The following ANKRD30BL variants were observed in gnomAD, a reference collection of about 807,000 sequenced individuals.
The protein encoded by ANKRD30BL is ankyrin repeat domain 30B like, also known as putative ankyrin repeat domain-containing protein 30B-like.
Under a neutral mutation model 18.4 loss-of-function variants are expected in ANKRD30BL, and 20 were observed. The observed-to-expected ratio is 1.09, with a 90% confidence interval of 0.77 to 1.58. The LOEUF is 1.58. Among genes scored for constraint, ANKRD30BL ranks in the 40% most tolerant of loss-of-function variants. The probability of loss-of-function intolerance (pLI) is 0.00; values close to 1 mark genes in which losing one functional copy is unlikely to be tolerated. For missense variants in ANKRD30BL, 224 were observed against 268.6 expected (o/e 0.83, Z 1.16); for synonymous variants, 72 against 100.9 (o/e 0.71, Z 1.72).
intron 1 of ANKRD30BL, among the ~76,000 whole-genome samples, chr2:132,252,161 T>C (rs1680665175): frequency 2.0e-5 from 3 of 152,226 alleles, no homozygotes; most frequent in African/African-American, 4.8e-5. Flanking sequence ...GGTAATGAAA[T>C]GTGAAACTAA....
intron 1 of ANKRD30BL, among the ~76,000 whole-genome samples, chr2:132,229,563 A>G (rs75148299): frequency 6.6e-6 from 1 of 152,174 alleles, no homozygotes; most frequent in African/African-American, 2.4e-5. Context: ...CTCTTTTTGT[A>G]GAATGTGCAA....
At chr2:132,208,836 C>A (rs988324380) in intron 1 of ANKRD30BL, among the ~76,000 whole-genome samples, 2 of 151,648 alleles carry the variant, frequency 1.3e-5, no homozygotes, top group African/African-American at 4.9e-5. Context: ...AAGGAAATAT[C>A]TTCACATAAA....
At chr2:132,234,298 C>T (rs1231337928) in intron 1 of ANKRD30BL, among the ~76,000 whole-genome samples, 1 of 151,972 alleles carries the variant, frequency 6.6e-6, no homozygotes, top group Admixed American at 6.6e-5. Flanking sequence ...AGAGCAAACA[C>T]ATTCAAAAGC....
chr2:132,159,735 T>C (rs1412401159), intron 1 of ANKRD30BL, among the ~76,000 whole-genome samples: 1 of 152,168 alleles, frequency 6.6e-6, no homozygotes, highest in East Asian at 1.9e-4. Context: ...TTTTTTCTCA[T>C]TACAGTTTAA....
At chr2:132,237,253 A>T (rs199960412) in intron 1 of ANKRD30BL, among the ~76,000 whole-genome samples, 2 of 151,882 alleles carry the variant, frequency 1.3e-5, no homozygotes, top group Non-Finnish European at 2.9e-5. Flanking sequence ...TGTGCACATG[A>T]ACCCTAAAAC....
chr2:132,211,222 C>T (rs201589891), intron 1 of ANKRD30BL, among the ~76,000 whole-genome samples: 13 of 125,176 alleles, frequency 1.0e-4, no homozygotes, highest in East Asian at 4.8e-4. Context: ...AAAGGAAATA[C>T]CTTCACATAA....
intron 1 of ANKRD30BL, among the ~76,000 whole-genome samples, chr2:132,187,965 G>A (rs1688599576): frequency 6.6e-6 from 1 of 151,982 alleles, no homozygotes; most frequent in African/African-American, 2.4e-5. Flanking sequence ...GGCCTGGCTG[G>A]TCTCGAACTA....
rs1174553428 is a variant in ANKRD30BL, at chr2:132,157,372, A to G, written c.270T>C (p.Leu90=). ...CAAGCTGACACTTTCTATCTACCAG[A>G]AGTGTTACTACTTCTGCATGGCCAT... is the stretch of plus-strand genomic sequence containing the variant. ...CANGHAEVVT[L]LVDRKCQLDV... The change falls in exon 2 of 6, where the codon CTT becomes CTC. Residue 90 remains leucine, a synonymous_variant. Transcript: ENST00000409867. 2.7e-6 allele frequency: 2 copies of G among 751,954 alleles called. No individual in the cohort carries two copies. Among genetic ancestry groups the G allele is most frequent in the Non-Finnish European group, 4.9e-6 (2 of 406,768 alleles). The allele number at this position is 751,954 out of a possible 1,614,324, so 46.6% of individuals were successfully genotyped here.
intron 1 of ANKRD30BL, among the ~76,000 whole-genome samples, chr2:132,187,171 TGTTTTTTTTTTTGTTTG>T (rs1688576499): frequency 7.0e-6 from 1 of 143,310 alleles, no homozygotes; most frequent in African/African-American, 2.8e-5. Context: ...GGAAGTTTTT[TGTTTTTTTTTTTGTTTG>T]TTTTTTTTTT....
At chr2:132,236,461 A>G (rs1196831488) in intron 1 of ANKRD30BL, among the ~76,000 whole-genome samples, 1 of 152,168 alleles carries the variant, frequency 6.6e-6, no homozygotes, top group Non-Finnish European at 1.5e-5. Flanking sequence ...AAAAGTGGGC[A>G]AAGGACATGA....
intron 1 of ANKRD30BL, among the ~76,000 whole-genome samples, chr2:132,158,985 T>G (rs950476426): frequency 1.3e-5 from 2 of 151,954 alleles, no homozygotes; most frequent in African/African-American, 4.8e-5. Context: ...TCCCAAAAAT[T>G]TTTCATTAAT....
At chr2:132,253,986 G>A (rs80288152) in intron 1 of ANKRD30BL, among the ~76,000 whole-genome samples, 1 of 151,954 alleles carries the variant, frequency 6.6e-6, no homozygotes, top group East Asian at 2.0e-4. Flanking sequence ...TGGGACAGTG[G>A]GACAGGGCAC....
rs1310192028 is a variant in ANKRD30BL, at chr2:132,161,569, G to T, written c.137C>A (p.Ala46Asp). 8.2e-6 allele frequency: 12 copies of T among 1,456,626 alleles called. No individual in the cohort carries two copies. Among genetic ancestry groups the T allele is most frequent in the East Asian group, 7.4e-5 (3 of 40,458 alleles). 90.2% of individuals were successfully genotyped at this position (1,456,626 alleles called of 1,614,324 possible). A position where few individuals can be genotyped will look rare whatever the true frequency, so the allele number is the denominator to read the frequency against. The change falls in exon 1 of 6, where the codon GCC becomes GAC. Residue 46 changes from alanine (A) to aspartate (D), a missense_variant. This residue lies in a region of ANKRD30BL where 131 missense variants were observed against 128.8 expected (regional missense o/e 1.02). Coordinates refer to ENST00000409867, the MANE Select transcript of ANKRD30BL (RefSeq NM_001358416.1). Reference protein sequence around the residue: ...HGDLRKIHKAASRGQAWKLER... With the variant: ...HGDLRKIHKADSRGQAWKLER... ...CAGCTTCCAGGCTTGGCCCCGGGAG[G>T]CAGCTTTGTGGATCTTCCTGAGATC...
Position 132,161,599 on chromosome 2 carries a change from T to C in ANKRD30BL, c.107A>G (p.His36Arg). 6.9e-7 allele frequency: 1 copy of C among 1,452,824 alleles called. No homozygotes were observed. The highest frequency in any genetic ancestry group is 1.2e-5 in the South Asian group (1 of 81,970). 90.0% of individuals were successfully genotyped at this position (1,452,824 alleles called of 1,614,324 possible). ...YTNNDSYVIH[H>R]GDLRKIHKAA... is the part of the protein sequence containing the mutation. ...TTTGTGGATCTTCCTGAGATCCCCA[T>C]GGTGAATCACGTAAGAGTCGTTGTT... The change falls in exon 1 of 6, where the codon CAT becomes CGT. Residue 36 changes from histidine to arginine, a missense_variant. Transcript: ENST00000409867.
chr2:132,231,400 G>T lies in ANKRD30BL; in HGVS notation n.441+26129C>A, dbSNP rs559304226. ...CCAGCGTGAGCGACGCAGAAGACAG[G>T]TGATTTCTGCCTTTCCATCTGAGGT... On this transcript the variant is annotated intron_variant and non_coding_transcript_variant, in intron 1 of 4. Coordinates refer to the ANKRD30BL transcript ENST00000470729. Among the ~76,000 whole-genome samples the T allele has an allele frequency of 7.4e-4, 113 of 152,368 alleles. 1 individual carries two copies. The Middle Eastern group carries it at 0.02, about 28-fold the overall frequency.
intron 1 of ANKRD30BL, among the ~76,000 whole-genome samples, chr2:132,194,841 G>T (rs1678932011): frequency 6.6e-6 from 1 of 152,224 alleles, no homozygotes; most frequent in African/African-American, 2.4e-5. Flanking sequence ...AGGGAGGAGA[G>T]AATTCTGAGA....
At chr2:132,195,560 A>T (rs1678945475) in intron 1 of ANKRD30BL, among the ~76,000 whole-genome samples, 2 of 151,580 alleles carry the variant, frequency 1.3e-5, no homozygotes, top group African/African-American at 4.8e-5. Flanking sequence ...GGAGGCTGAG[A>T]TGGGTAAATC....
intron 1 of ANKRD30BL, among the ~76,000 whole-genome samples, chr2:132,227,967 G>T (rs1259210200): frequency 6.6e-6 from 1 of 152,160 alleles, no homozygotes; most frequent in African/African-American, 2.4e-5. Flanking sequence ...TCCTTGGGAT[G>T]TGTGCATTCA....
At chr2:132,177,211 T>A (rs939513832) in intron 1 of ANKRD30BL, among the ~76,000 whole-genome samples, 6 of 152,110 alleles carry the variant, frequency 3.9e-5, no homozygotes, top group African/African-American at 1.4e-4. Context: ...TGGAGTGCAA[T>A]GGCACTTCCT....
Sources: gnomAD v4.1 joint callset for allele counts (sites outside exome capture counted in the v4.1 genomes callset) on GRCh38, gnomAD v4.1.1 for gene constraint, gnomAD v4.1.1 regional missense constraint, MANE v1.5 for transcripts, NCBI Gene and HGNC (gene_info 2026-07-23, HGNC 2026-07-21) for gene names.